Variants in SDK1 observed in about 807,000 individuals in gnomAD.
SDK1 encodes the protein sidekick cell adhesion molecule 1.
In SDK1, 157 loss-of-function variants were observed where a neutral mutation model predicts 245.5. The ratio of observed to expected loss-of-function variants is 0.64; its 90% confidence interval spans 0.56 to 0.73. The LOEUF (loss-of-function observed/expected upper bound fraction) is 0.73, where lower values mean the gene tolerates loss of function less well. Among genes scored for constraint, SDK1 ranks in the 30% least tolerant of loss-of-function variants. SDK1 has a pLI of 0.00. For missense variants in SDK1, 3,583 were observed against 3,002.3 expected (o/e 1.19, Z -4.52); for synonymous variants, 1,647 against 1,278.5 (o/e 1.29, Z -6.15).
chr7:3,552,869 C>G (rs1025664076), intron 1 of SDK1, among the ~76,000 whole-genome samples: 1 of 152,192 alleles, frequency 6.6e-6, no homozygotes, highest in Non-Finnish European at 1.5e-5. Flanking sequence ...TGGGATCTTA[C>G]TGTTGCATAA....
chr7:4,076,949 C>A, intron 20 of SDK1, 49 bp from the exon 21 acceptor site: 1 of 1,517,644 alleles, frequency 6.6e-7, no homozygotes, highest in Non-Finnish European at 9.1e-7. Flanking sequence ...TTCAGGTGAG[C>A]CCTTGGCCTT....
At position 4,205,932 on chromosome 7, in the gene SDK1, C is replaced by G. The variant is rs750114238; in HGVS notation, c.5152C>G (p.Leu1718Val). The G allele has an allele frequency of 1.9e-6, 3 of 1,563,658 alleles. No individual in the cohort carries two copies. Among genetic ancestry groups the G allele is most frequent in the Non-Finnish European group, 2.6e-6 (3 of 1,153,330 alleles). The change falls in exon 36 of 45, where the codon CTG (leucine) becomes GTG (valine). Residue 1718 changes from leucine (L) to valine (V), a missense_variant. By Grantham distance (32) the Leu-to-Val change is conservative. Coordinates refer to ENST00000404826, the MANE Select transcript of SDK1 (RefSeq NM_152744.4). ...VQVTPLTASQLEVTWDPPPPE... is the reference protein window; with the variant it reads ...VQVTPLTASQVEVTWDPPPPE... ...GGTGACCCCACTCACGGCCAGCCAGCTGGAGGTCACGTGGGACCCACCACC... is the reference window on the plus strand; with the variant it reads ...GGTGACCCCACTCACGGCCAGCCAGGTGGAGGTCACGTGGGACCCACCACC...
chr7:3,866,799 C>T (rs545600320), intron 5 of SDK1, among the ~76,000 whole-genome samples: 2 of 152,098 alleles, frequency 1.3e-5, no homozygotes, highest in East Asian at 3.9e-4. Context: ...TGTGGAGGAA[C>T]CACTTGAGAG....
intron 28 of SDK1, 161 bp downstream of exon 28, chr7:4,132,584 G>A (rs1266371203): frequency 1.1e-5 from 6 of 567,066 alleles, no homozygotes; most frequent in African/African-American, 3.7e-5. Flanking sequence ...ACTATTAGCC[G>A]GGCATGATGG....
intron 3 of SDK1, among the ~76,000 whole-genome samples, chr7:3,640,505 C>T (rs1378011206): frequency 1.3e-5 from 2 of 152,090 alleles, no homozygotes; most frequent in Non-Finnish European, 2.9e-5. Flanking sequence ...AAGAATGTTG[C>T]AGAATAATTG....
chr7:3,437,209 T>A (rs1239704073), intron 1 of SDK1, among the ~76,000 whole-genome samples: 1 of 152,178 alleles, frequency 6.6e-6, no homozygotes, highest in African/African-American at 2.4e-5. Flanking sequence ...GCAAAAAATA[T>A]GTCTGAAAAC....
rs760194921 is a variant in SDK1, at chr7:3,640,917, C to T, written c.566-1041C>T. Among the ~76,000 whole-genome samples the T allele has an allele frequency of 9.9e-5, 15 of 151,952 alleles. No individual in the cohort carries two copies. The South Asian group carries it at 1.0e-3, about 11-fold the overall frequency. ...CAGGCTGGTGTCAAATTCCTGACCT[C>T]GTGATCCACCCGCCTCGGCCTCCCA... is the stretch of plus-strand genomic sequence containing the variant. On this transcript the variant is annotated intron_variant, in intron 3 of 44. Coordinates refer to ENST00000404826, the MANE Select transcript of SDK1 (RefSeq NM_152744.4).
In SDK1 at chr7:3,655,446, C is replaced by CA. The variant is rs1193292754; in HGVS notation, c.713+13344dup. On this transcript the variant is annotated intron_variant, in intron 4 of 44. Coordinates refer to ENST00000404826, the MANE Select transcript of SDK1 (RefSeq NM_152744.4). The stretch of plus-strand genomic sequence containing the variant: ...GCAACTGTCTAAAAACAAAACAAAA[C>CA]AAATATATATATATATATATATATA... 3.3e-4 allele frequency among the ~76,000 whole-genome samples: 22 copies of CA among 66,198 alleles called. No individual in the cohort carries two copies. In the South Asian group the frequency reaches 4.3e-3, roughly 13 times the overall value. The allele number at this position is 66,198 out of a possible 152,430, so 43.4% of individuals were successfully genotyped here.
intron 1 of SDK1, among the ~76,000 whole-genome samples, chr7:3,601,657 C>T (rs1781257839): frequency 6.6e-6 from 1 of 151,280 alleles, no homozygotes; most frequent in Non-Finnish European, 1.5e-5. Flanking sequence ...GCTTTCTTAT[C>T]AATTTATTTA....
chr7:3,691,645 T>C (rs1037433588), intron 4 of SDK1, among the ~76,000 whole-genome samples: 27 of 149,020 alleles, frequency 1.8e-4, no homozygotes, highest in East Asian at 1.6e-3. Context: ...ACTGATATTA[T>C]TGATTTTTCC....
At chr7:3,634,345 C>T (rs1410759354) in intron 2 of SDK1, among the ~76,000 whole-genome samples, 1 of 152,186 alleles carries the variant, frequency 6.6e-6, no homozygotes, top group Non-Finnish European at 1.5e-5. Flanking sequence ...CAGTGGTCCA[C>T]TCAGAGATGC....
chr7:3,666,652 G>T (rs1175860639), intron 4 of SDK1, among the ~76,000 whole-genome samples: 1 of 152,060 alleles, frequency 6.6e-6, no homozygotes, highest in African/African-American at 2.4e-5. Flanking sequence ...ATAGTGCCTT[G>T]TGCGTCGTTG....
intron 1 of SDK1, among the ~76,000 whole-genome samples, chr7:3,429,075 T>C (rs1779757363): frequency 6.6e-6 from 1 of 152,112 alleles, no homozygotes; most frequent in Non-Finnish European, 1.5e-5. Context: ...CCACAGTAAG[T>C]AGTCAAATTT....
intron 1 of SDK1, among the ~76,000 whole-genome samples, chr7:3,561,323 C>T (rs1380396360): frequency 6.6e-6 from 1 of 152,214 alleles, no homozygotes; most frequent in African/African-American, 2.4e-5. Context: ...GACAAAAACA[C>T]ATCTGAGCTG....
chr7:3,804,248 G>A (rs902538886), intron 4 of SDK1, among the ~76,000 whole-genome samples: 1 of 152,098 alleles, frequency 6.6e-6, no homozygotes, highest in Non-Finnish European at 1.5e-5. Context: ...TGTTTTATGG[G>A]TTTATTTTTG....
chr7:3,866,037 A>T (rs1206051789), intron 5 of SDK1, among the ~76,000 whole-genome samples: 1 of 152,238 alleles, frequency 6.6e-6, no homozygotes, highest in Non-Finnish European at 1.5e-5. Flanking sequence ...TTGAAAGGAA[A>T]AGGAGGCAGA....
intron 22 of SDK1, among the ~76,000 whole-genome samples, chr7:4,109,105 C>A (rs1446935656): frequency 6.6e-6 from 1 of 152,136 alleles, no homozygotes; most frequent in African/African-American, 2.4e-5. Context: ...CTTTGACTGT[C>A]GTGACTAGTG....
chr7:3,978,317 T>G (rs1360546672), intron 13 of SDK1, among the ~76,000 whole-genome samples: 1 of 152,216 alleles, frequency 6.6e-6, no homozygotes, highest in Admixed American at 6.5e-5. Flanking sequence ...GGTCTACTGA[T>G]TTACATGTCT....
chr7:3,357,326 GTGTTTTTT>G (rs1780826573), intron 1 of SDK1, among the ~76,000 whole-genome samples: 1 of 50,132 alleles, frequency 2.0e-5, no homozygotes, highest in Non-Finnish European at 4.0e-5. Flanking sequence ...CCTTCTTTTA[GTGTTTTTT>G]TTTTTTTTTT....
Sources: allele counts gnomAD v4.1 joint callset (sites outside exome capture counted in the v4.1 genomes callset), GRCh38; gene constraint gnomAD v4.1.1; transcripts MANE v1.5; gene names NCBI Gene and HGNC (gene_info 2026-07-23, HGNC 2026-07-21).